Variants in CCDC14 observed in about 807,000 individuals in gnomAD.
CCDC14 encodes the protein coiled-coil domain containing 14.
CCDC14 carries 71 observed loss-of-function variants against 81.4 expected under a neutral mutation model. The observed-to-expected ratio is 0.87, with a 90% confidence interval of 0.72 to 1.06. CCDC14 has a LOEUF of 1.06. Among genes scored for constraint, CCDC14 ranks in the 50% least tolerant of loss-of-function variants. The pLI, the probability that CCDC14 is intolerant of heterozygous loss-of-function variation, is 0.00. For missense variants in CCDC14, 1,046 were observed against 1,047.3 expected (o/e 1.00, Z 0.02); for synonymous variants, 332 against 364.8 (o/e 0.91, Z 1.03).
In CCDC14 at chr3:123,914,986, AC is replaced by A; in HGVS notation, c.2510del (p.Gly837ValfsTer9). 1 of 1,614,030 alleles carries A rather than the reference AC, an allele frequency of 6.2e-7. No homozygotes were observed. The highest frequency in any genetic ancestry group is 8.5e-7 in the Non-Finnish European group (1 of 1,179,880). The stretch of plus-strand genomic sequence containing the variant: ...TCACTTGAAGGCTGTTGCTAAGACA[AC>A]CTGATGGGCCATGACATGCAGTTTG... ...EEQTACHGPSGCLSNSLQVKG... is the reference protein window; with the variant it reads ...EEQTACHGPSXCLSNSLQVKG... On this transcript the variant is annotated frameshift_variant, in exon 13 of 13. Transcript: ENST00000409697. LOFTEE classifies it high-confidence loss of function.
intron 9 of CCDC14, among the ~76,000 whole-genome samples, chr3:123,934,042 G>A (rs1375218244): frequency 1.3e-5 from 2 of 152,080 alleles, no homozygotes; most frequent in Non-Finnish European, 2.9e-5. Context: ...GGAGGTCGAG[G>A]TGGGCGGATC....
chr3:123,960,631 C>T (rs2037625055), intron 1 of CCDC14, among the ~76,000 whole-genome samples: 1 of 152,192 alleles, frequency 6.6e-6, no homozygotes, highest in African/African-American at 2.4e-5. Context: ...CTGCTGTTAT[C>T]ATTAAGATGG....
chr3:123,943,715 C>G (rs1405522086), intron 9 of CCDC14, among the ~76,000 whole-genome samples: 1 of 152,094 alleles, frequency 6.6e-6, no homozygotes, highest in Non-Finnish European at 1.5e-5. Context: ...CCATGACTAT[C>G]CAATGAAGCC....
At position 123,955,823 on chromosome 3, in the gene CCDC14, C is replaced by G. The variant is rs546764480; in HGVS notation, c.352+20G>C. 417 of 1,480,756 alleles carry G rather than the reference C, an allele frequency of 2.8e-4. No homozygotes were observed. The highest frequency in any genetic ancestry group is 1.0e-3 in the Admixed American group (39 of 38,794). The allele number at this position is 1,480,756 out of a possible 1,614,324, so 91.7% of individuals were successfully genotyped here. A position where few individuals can be genotyped will look rare whatever the true frequency, so the allele number is the denominator to read the frequency against. ...ACAATTAAGGATTATCTTTAAATAA[C>G]TAAGAGAAAAAAGGCTTACATGTTT... On this transcript the variant is annotated intron_variant, in intron 5 of 12. Transcript: ENST00000409697.
chr3:123,941,221 T>TTA (rs1474229868), intron 9 of CCDC14, among the ~76,000 whole-genome samples: 1 of 151,904 alleles, frequency 6.6e-6, no homozygotes, highest in Admixed American at 6.6e-5. Flanking sequence ...CCACAGACAT[T>TTA]TAGTGGTTGG....
intron 5 of CCDC14, chr3:123,954,933 A>G (rs1208819773): frequency 6.6e-6 from 1 of 152,154 alleles, no homozygotes; most frequent in Non-Finnish European, 1.5e-5. Flanking sequence ...GGTCAAGATA[A>G]TATAAAGCTA....
chr3:123,892,849 G>A (rs1403888255), downstream of CCDC14, among the ~76,000 whole-genome samples: 1 of 151,910 alleles, frequency 6.6e-6, no homozygotes, highest in Non-Finnish European at 1.5e-5. Context: ...CTGTTGCCCA[G>A]GCTGGAGTGC....
chr3:123,922,764 G>T (rs1177472501), intron 12 of CCDC14, among the ~76,000 whole-genome samples: 2 of 152,116 alleles, frequency 1.3e-5, no homozygotes, highest in African/African-American at 4.8e-5. Flanking sequence ...CTTTATAGCT[G>T]AATTCTAACC....
At chr3:123,896,057 T>C (rs954137849), downstream of CCDC14, among the ~76,000 whole-genome samples, 21 of 152,330 alleles carry the variant, frequency 1.4e-4, no homozygotes, top group African/African-American at 4.6e-4. Context: ...TAAAATGTGG[T>C]GCTACGGTTT....
In CCDC14 at chr3:123,947,068, A is replaced by C. The variant is rs1051973501; in HGVS notation, c.936T>G (p.Ser312=). The change falls in exon 8 of 13, where the codon TCT becomes TCG. Residue 312 remains serine, a synonymous_variant. Coordinates refer to ENST00000409697, the MANE Select transcript of CCDC14 (RefSeq NM_001366335.1). ...TGTCCAGATGCGTTTCTTTTCCATG[A>C]GATCGAAAAAGAGACAAATATGTTT... ...CIQTYLSLFR[S]HGKETHLDSQ... 24 of 1,613,840 alleles carry C rather than the reference A, an allele frequency of 1.5e-5. No homozygotes were observed. The highest frequency in any genetic ancestry group is 8.0e-5 in the African/African-American group (6 of 74,914).
At chr3:123,956,870 TTAA>T (rs2037354543) in intron 1 of CCDC14, 75 bp from the exon 2 acceptor site, 1 of 959,130 alleles carries the variant, frequency 1.0e-6, no homozygotes, top group East Asian at 2.8e-5. Context: ...TTGACAAAAT[TTAA>T]TGTCATTTTT....
chr3:123,934,270 C>CAAA (rs61094944), intron 9 of CCDC14, among the ~76,000 whole-genome samples: 23,722 of 51,770 alleles, frequency 0.46, 6,614 homozygotes, highest in Non-Finnish European at 0.58. Context: ...GACTCTGCCT[C>CAAA]AAAAAAAAAA....
chr3:123,910,081 C>A (rs538735565), downstream of CCDC14, among the ~76,000 whole-genome samples: 8 of 152,148 alleles, frequency 5.3e-5, no homozygotes, highest in South Asian at 1.7e-3. Context: ...CAGCTGAGAC[C>A]ACTTATCTAG....
Position 123,914,496 on chromosome 3 carries a change from T to C in CCDC14, c.*283A>G, listed in dbSNP as rs1166212024. On this transcript the variant is annotated 3_prime_UTR_variant, in exon 13 of 13. Coordinates refer to ENST00000409697, the MANE Select transcript of CCDC14 (RefSeq NM_001366335.1). ...CTGTACCCTTAATCCAGCAGATACA[T>C]CTTAATAAAAGAACTCTAATTGCTA... The C allele has an allele frequency of 9.5e-7, 1 of 1,048,348 alleles. No individual in the cohort carries two copies. Among genetic ancestry groups the C allele is most frequent in the African/African-American group, 1.7e-5 (1 of 58,992 alleles). 64.9% of individuals were successfully genotyped at this position (1,048,348 alleles called of 1,614,324 possible).
chr3:123,910,206 G>A (rs940516815), downstream of CCDC14, among the ~76,000 whole-genome samples: 14 of 152,238 alleles, frequency 9.2e-5, no homozygotes, highest in Middle Eastern at 3.4e-3. Context: ...GAATGACAAT[G>A]TGAATATTAT....
At chr3:123,939,186 C>T (rs1242749787) in intron 9 of CCDC14, among the ~76,000 whole-genome samples, 3 of 151,734 alleles carry the variant, frequency 2.0e-5, no homozygotes, top group Admixed American at 6.6e-5. Context: ...TAGAGATTCT[C>T]GGGGCATACT....
In CCDC14 at chr3:123,924,023, T is replaced by A. The variant is rs144068451; in HGVS notation, c.1778+7079A>T. On this transcript the variant is annotated intron_variant, in intron 12 of 12. Coordinates refer to ENST00000409697, the MANE Select transcript of CCDC14 (RefSeq NM_001366335.1). ...ATATCTTAAGTAAAAAGAACAAAGC[T>A]GGGGGCACCACATTCCCTGATTTCA... is the stretch of plus-strand genomic sequence containing the variant. 3.4e-5 allele frequency among the ~76,000 whole-genome samples: 5 copies of A among 145,750 alleles called. No homozygotes were observed. The East Asian group carries it at 9.9e-4, about 29-fold the overall frequency.
chr3:123,936,688 G>A (rs1257226538), intron 9 of CCDC14, among the ~76,000 whole-genome samples: 3 of 152,076 alleles, frequency 2.0e-5, no homozygotes, highest in African/African-American at 7.2e-5. Flanking sequence ...TGGATGGTAG[G>A]AGGGAGGGGA....
Position 123,914,048 on chromosome 3 carries a change from A to G in CCDC14, c.*731T>C. The G allele has an allele frequency of 1.0e-6, 1 of 984,798 alleles. No individual in the cohort carries two copies. The allele number at this position is 984,798 out of a possible 1,614,324, so 61.0% of individuals were successfully genotyped here. A position where few individuals can be genotyped will look rare whatever the true frequency, so the allele number is the denominator to read the frequency against. ...CATGTTTAAATATAAGGACAAAAATAAACATTTCTTATTTAAAAAAAACCC... is the reference window on the plus strand; with the variant it reads ...CATGTTTAAATATAAGGACAAAAATGAACATTTCTTATTTAAAAAAAACCC... On this transcript the variant is annotated 3_prime_UTR_variant, in exon 13 of 13. Coordinates refer to ENST00000409697, the MANE Select transcript of CCDC14 (RefSeq NM_001366335.1).
Sources: gnomAD v4.1 joint callset for allele counts (sites outside exome capture counted in the v4.1 genomes callset) on GRCh38, gnomAD v4.1.1 for gene constraint, MANE v1.5 for transcripts, NCBI Gene and HGNC (gene_info 2026-07-23, HGNC 2026-07-21) for gene names.